DERA: variants seen among roughly 807,000 people sequenced by gnomAD.
DERA encodes the protein deoxyribose-phosphate aldolase, also known as 2-deoxy-D-ribose 5-phosphate aldolase.
Under a neutral mutation model 41.1 loss-of-function variants are expected in DERA, and 15 were observed. The ratio of observed to expected loss-of-function variants is 0.37; its 90% CI spans 0.24 to 0.56. The LOEUF (loss-of-function observed/expected upper bound fraction) is 0.56. Among genes scored for constraint, DERA ranks in the 20% least tolerant of loss-of-function variants. DERA has a pLI of 0.81. For synonymous variants in DERA, 139 were observed against 137.4 expected, an observed-to-expected ratio of 1.01 and a Z score of -0.08; for missense variants, 396 against 403.4, an observed-to-expected ratio of 0.98 and a Z score of 0.16.
rs1427094499 is a variant in DERA at position 15,975,324 on chromosome 12, T to G, written c.509-6984T>G. 3.3e-5 allele frequency among the ~76,000 whole-genome samples: 5 copies of G among 152,184 alleles called. No individual in the cohort carries two copies. In the East Asian group the frequency reaches 7.7e-4, roughly 24 times the overall value. On this transcript the variant is annotated intron_variant, in intron 5 of 8. Coordinates refer to ENST00000428559, the MANE Select transcript of DERA (RefSeq NM_015954.4). ...AACCTGTCCTCTTGTGCTGAATTAG[T>G]TTTTGGGTGGGGGCCACAAGATCGG...
chr12:15,962,916 C>T lies in DERA; in HGVS notation c.477C>T (p.Asn159=), dbSNP rs1367814123. ...CTACAGAAATCGACGTGGTAATTAA[C>T]AGAAGCTTGGTGCTGACAGGCCAGT... ...DGATEIDVVI[N]RSLVLTGQWE... Residue 159 remains asparagine, a synonymous_variant, in exon 5 of 9, where the codon AAC becomes AAT. Transcript: ENST00000428559. The T allele has an allele frequency of 6.2e-7, 1 of 1,604,560 alleles. No homozygotes were observed. Among genetic ancestry groups the T allele is most frequent in the Non-Finnish European group, 8.5e-7 (1 of 1,175,552 alleles).
At chr12:15,952,156 C>T (rs575276293) in intron 1 of DERA, among the ~76,000 whole-genome samples, 4 of 152,190 alleles carry the variant, frequency 2.6e-5, no homozygotes, top group Non-Finnish European at 4.4e-5. Flanking sequence ...GCCTCGGCCT[C>T]CCAAAGTGCT....
intron 5 of DERA, among the ~76,000 whole-genome samples, chr12:15,971,645 T>C (rs1207407665): frequency 6.6e-6 from 1 of 151,552 alleles, no homozygotes; most frequent in African/African-American, 2.4e-5. Flanking sequence ...GCGTCCCGAG[T>C]AGCTGGAATT....
Position 15,981,065 on chromosome 12 carries a change from T to C in DERA, c.509-1243T>C, listed in dbSNP as rs1948729415. On this transcript the variant is annotated intron_variant, in intron 5 of 8. Transcript: ENST00000428559. This position sits in a 1 kb window ranked among gnomAD's most constrained non-coding sequence, Gnocchi z 6.1. ...TGTATGTTTATAAAACTACTTCCTA[T>C]GGGCCGGGCACCGTGGCTCACACCT... 6.6e-6 allele frequency among the ~76,000 whole-genome samples: 1 copy of C among 152,108 alleles called. No homozygotes were observed. Among genetic ancestry groups the C allele is most frequent in the African/African-American group, 2.4e-5 (1 of 41,432 alleles).
Position 15,928,220 on chromosome 12 carries a change from CAAAG to C in DERA, c.31+16808_31+16811del, listed in dbSNP as rs1948301820. Reference sequence around the variant, plus strand: ...AGCTACCATGCTGTGCAGTAGATCTCAAAGACTTACTTTTCTTGTATGACTGAAA... The same window carrying C: ...AGCTACCATGCTGTGCAGTAGATCTCACTTACTTTTCTTGTATGACTGAAA... On this transcript the variant is annotated intron_variant, in intron 1 of 8. Transcript: ENST00000428559. This position sits in a 1 kb window ranked among gnomAD's most constrained non-coding sequence, Gnocchi z 4.6. Among the ~76,000 whole-genome samples, 1 of 152,168 alleles carries C rather than the reference CAAAG, an allele frequency of 6.6e-6. No homozygotes were observed. The highest frequency in any genetic ancestry group is 1.5e-5 in the Non-Finnish European group (1 of 68,028).
In DERA at chr12:16,009,265, G is replaced by A. The variant is rs756731517; in HGVS notation, c.638-23277G>A. Among the ~76,000 whole-genome samples, 20 of 152,096 alleles carry A rather than the reference G, an allele frequency of 1.3e-4. No individual in the cohort carries two copies. The highest frequency in any genetic ancestry group is 2.9e-4 in the Non-Finnish European group (20 of 68,024). On this transcript the variant is annotated intron_variant, in intron 6 of 8. Transcript: ENST00000428559. This position sits in a 1 kb window ranked among gnomAD's most constrained non-coding sequence, Gnocchi z 5.3. Reference sequence around the variant, plus strand: ...TAGCAGAAGAGAACAATGGAATATTGGATTAAATTCAGCCCCTGGAGAGTG... The same window carrying A: ...TAGCAGAAGAGAACAATGGAATATTAGATTAAATTCAGCCCCTGGAGAGTG...
chr12:16,007,542 GTATT>G (rs1219213372), intron 6 of DERA, among the ~76,000 whole-genome samples: 1 of 152,206 alleles, frequency 6.6e-6, no homozygotes, highest in Admixed American at 6.5e-5. Flanking sequence ...GATTTTGTAA[GTATT>G]TATTAAGTTT....
chr12:15,958,550 A>C (rs1292307807), intron 3 of DERA, among the ~76,000 whole-genome samples: 1 of 137,668 alleles, frequency 7.3e-6, no homozygotes, highest in South Asian at 2.2e-4. Context: ...AGTTCTTTCC[A>C]TCAATGGATT....
intron 7 of DERA, among the ~76,000 whole-genome samples, chr12:16,034,563 G>A (rs1222744626): frequency 6.6e-6 from 1 of 152,162 alleles, no homozygotes; most frequent in African/African-American, 2.4e-5. Context: ...TGCAAATCAG[G>A]TGCAGCCTTT....
At chr12:15,991,386 G>A (rs1297195800) in intron 6 of DERA, among the ~76,000 whole-genome samples, 1 of 152,044 alleles carries the variant, frequency 6.6e-6, no homozygotes, top group African/African-American at 2.4e-5. Context: ...TTGCAAAAAT[G>A]TTCTCCCATT....
chr12:15,930,590 T>A (rs912638358), intron 1 of DERA, among the ~76,000 whole-genome samples: 1 of 152,182 alleles, frequency 6.6e-6, no homozygotes, highest in African/African-American at 2.4e-5. Context: ...AGTAACACTT[T>A]TTTGTCGTTG....
At chr12:15,946,646 A>G (rs1948451699) in intron 1 of DERA, among the ~76,000 whole-genome samples, 1 of 151,516 alleles carries the variant, frequency 6.6e-6, no homozygotes. Flanking sequence ...CTAGCAGTCT[A>G]TCAATTTTGT....
rs1411427753 is a variant in DERA, at chr12:15,994,778, T to C, written c.637+12342T>C. Among the ~76,000 whole-genome samples the C allele has an allele frequency of 6.6e-6, 1 of 152,206 alleles. No homozygotes were observed. Among genetic ancestry groups the C allele is most frequent in the African/African-American group, 2.4e-5 (1 of 41,446 alleles). On this transcript the variant is annotated intron_variant, in intron 6 of 8. Coordinates refer to ENST00000428559, the MANE Select transcript of DERA (RefSeq NM_015954.4). This position sits in a 1 kb window ranked among gnomAD's most constrained non-coding sequence, Gnocchi z 4.8. The stretch of plus-strand genomic sequence containing the variant: ...AGAAAATTCTTAAAATGGTGGGAAA[T>C]TGGAATCCTTGAATGGATCCCTCAG...
In DERA at chr12:15,962,857, T is replaced by C. The variant is rs762749603; in HGVS notation, c.418T>C (p.Leu140=). The C allele has an allele frequency of 4.5e-6, 7 of 1,567,484 alleles. No individual in the cohort carries two copies. The Admixed American group carries it at 7.6e-5, about 17-fold the overall frequency. ...TGGACAGACTCATTTGAAGACACGA[T>C]TAGAAGAGATCAGATTGGCTGTGGA... ...PAGQTHLKTR[L]EEIRLAVEDG... The change falls in exon 5 of 9, where the codon TTA becomes CTA. Residue 140 remains leucine (L), a synonymous_variant. Coordinates refer to ENST00000428559, the MANE Select transcript of DERA (RefSeq NM_015954.4).
chr12:15,946,253 A>G (rs536078389), intron 1 of DERA, among the ~76,000 whole-genome samples: 1 of 152,338 alleles, frequency 6.6e-6, no homozygotes, highest in African/African-American at 2.4e-5. Context: ...AAAATGAGTC[A>G]GGGAGGATTC....
Position 16,003,556 on chromosome 12 carries a change from T to C in DERA, c.637+21120T>C, listed in dbSNP as rs987915704. ...AGAGAAACTGTGAGGGGTTAGGGTT[T>C]GGGTTAGAGAAGCCTACTACTGTAG... is the stretch of plus-strand genomic sequence containing the variant. On this transcript the variant is annotated intron_variant, in intron 6 of 8. Transcript: ENST00000428559. The surrounding 1 kb of genome is among the most constrained non-coding windows in gnomAD (Gnocchi z 4.8). Among the ~76,000 whole-genome samples the C allele has an allele frequency of 6.6e-6, 1 of 152,138 alleles. No homozygotes were observed. The highest frequency in any genetic ancestry group is 2.4e-5 in the African/African-American group (1 of 41,428).
At chr12:15,933,350 A>G (rs1565587410) in intron 1 of DERA, among the ~76,000 whole-genome samples, 1 of 152,096 alleles carries the variant, frequency 6.6e-6, no homozygotes, top group African/African-American at 2.4e-5. Context: ...CTGTTTCTGG[A>G]ATTCCTACTC....
At chr12:15,964,650 T>C (rs1183843011) in intron 5 of DERA, among the ~76,000 whole-genome samples, 5 of 152,234 alleles carry the variant, frequency 3.3e-5, no homozygotes, top group Admixed American at 2.0e-4. Context: ...AAAACAAATC[T>C]GGCAATAAAC....
intron 1 of DERA, among the ~76,000 whole-genome samples, chr12:15,929,366 C>T (rs1948310944): frequency 6.6e-6 from 1 of 152,186 alleles, no homozygotes; most frequent in Non-Finnish European, 1.5e-5. Context: ...TTTGAATCAG[C>T]ACCCAGCAGG....
Sources: allele counts gnomAD v4.1 joint callset (sites outside exome capture counted in the v4.1 genomes callset), GRCh38; gene constraint gnomAD v4.1.1; non-coding constraint Gnocchi (gnomAD v3.1); transcripts MANE v1.5; gene names NCBI Gene and HGNC (gene_info 2026-07-23, HGNC 2026-07-21).